The following PCNX1 variants were observed in gnomAD, a reference collection of about 807,000 sequenced individuals.
PCNX1 encodes pecanex 1.
A neutral mutation model predicts 242.2 loss-of-function variants in PCNX1; 78 were observed. The ratio of observed to expected loss-of-function variants is 0.32; its 90% confidence interval spans 0.27 to 0.39. The LOEUF (loss-of-function observed/expected upper bound fraction) is 0.39. Ranked by LOEUF, PCNX1 falls within the 10% of genes least tolerant of loss-of-function variation. PCNX1 has a pLI of 1.00. For synonymous variants in PCNX1, 1,024 were observed against 1,032.9 expected (o/e 0.99, Z 0.17); for missense variants, 2,581 against 2,856.5 (o/e 0.90, Z 2.20).
intron 28 of PCNX1, among the ~76,000 whole-genome samples, chr14:71,084,694 C>A (rs1168127358): frequency 6.6e-6 from 1 of 152,184 alleles, no homozygotes; most frequent in Non-Finnish European, 1.5e-5. Context: ...GATGCCCCTT[C>A]CCCCACCAAG....
chr14:70,936,331 C>T (rs1358839870), intron 1 of PCNX1, among the ~76,000 whole-genome samples: 2 of 149,400 alleles, frequency 1.3e-5, no homozygotes, highest in African/African-American at 4.9e-5. Flanking sequence ...CACCCTGTGT[C>T]CATGTGCTCC....
At chr14:71,096,900 C>A (rs1041499739) in intron 30 of PCNX1, among the ~76,000 whole-genome samples, 16 of 152,110 alleles carry the variant, frequency 1.1e-4, no homozygotes, top group African/African-American at 3.6e-4. Flanking sequence ...TAGCTGGGTT[C>A]TAGAAGAAGC....
chr14:71,039,266 T>G (rs1049643873), intron 19 of PCNX1, among the ~76,000 whole-genome samples: 3 of 152,158 alleles, frequency 2.0e-5, no homozygotes, highest in Non-Finnish European at 4.4e-5. Context: ...AATACTTATT[T>G]TCTCATGATT....
rs1296747562 is a variant in PCNX1 at position 70,992,509 on chromosome 14, T to C, written c.2445-3232T>C. On this transcript the variant is annotated intron_variant, in intron 7 of 35. Transcript: ENST00000304743. ...ATATAAGAATAATGTAATCATACTC[T>C]TAGACTTTACATTTTAGTTGGAGAG... Among the ~76,000 whole-genome samples the C allele has an allele frequency of 2.6e-5, 4 of 152,200 alleles. No homozygotes were observed. The East Asian group carries it at 7.7e-4, about 29-fold the overall frequency.
At chr14:71,049,007 C>G in intron 22 of PCNX1, 2 of 948,652 alleles carry the variant, frequency 2.1e-6, no homozygotes, top group Non-Finnish European at 2.5e-6. Context: ...GGTTATTAAC[C>G]AAAGGAGGAA....
rs151087825 is a variant in PCNX1, at chr14:71,011,031, A to T, written c.2721-461A>T. ...TACCATGTTTAATGTAGTTCAAGAG[A>T]ACAATTCCTTACACTATAAATGTGG... On this transcript the variant is annotated intron_variant, in intron 9 of 35. Transcript: ENST00000304743. Among the ~76,000 whole-genome samples the T allele has an allele frequency of 1.6e-4, 24 of 152,284 alleles. No homozygotes were observed. In the East Asian group the frequency reaches 4.4e-3, roughly 28 times the overall value.
intron 2 of PCNX1, among the ~76,000 whole-genome samples, chr14:70,948,845 ATG>A (rs1485708697): frequency 6.1e-5 from 9 of 147,762 alleles, no homozygotes; most frequent in African/African-American, 5.0e-5. Flanking sequence ...AATAAAATGT[ATG>A]TGTGTATATA....
intron 30 of PCNX1, among the ~76,000 whole-genome samples, chr14:71,092,133 T>C (rs2062150835): frequency 6.6e-6 from 1 of 152,242 alleles, no homozygotes; most frequent in Non-Finnish European, 1.5e-5. Flanking sequence ...TAGATTGAGG[T>C]TTGCAACTGT....
At chr14:71,013,386 A>G (rs1260354575) in intron 11 of PCNX1, among the ~76,000 whole-genome samples, 184 bp downstream of exon 11, 1 of 152,176 alleles carries the variant, frequency 6.6e-6, no homozygotes, top group Non-Finnish European at 1.5e-5. Flanking sequence ...TCCATTAAAA[A>G]TGTTTTGGTT....
intron 8 of PCNX1, among the ~76,000 whole-genome samples, chr14:70,996,687 A>G (rs895387439): frequency 1.3e-5 from 2 of 152,148 alleles, no homozygotes; most frequent in African/African-American, 4.8e-5. Flanking sequence ...TTAAGTAAAT[A>G]TAATGAAGAA....
At chr14:71,073,425 C>A in intron 26 of PCNX1, 120 bp from the exon 27 acceptor site, 1 of 936,672 alleles carries the variant, frequency 1.1e-6, no homozygotes, top group Non-Finnish European at 1.6e-6. Context: ...AAGGCAAATC[C>A]ATCACATACT....
chr14:71,002,008 T>A (rs2140413516), intron 8 of PCNX1, among the ~76,000 whole-genome samples: 1 of 152,320 alleles, frequency 6.6e-6, no homozygotes, highest in East Asian at 1.9e-4. Context: ...CCACCTTTCA[T>A]TGGCCATACA....
chr14:71,102,292 T>G, intron 31 of PCNX1, 72 bp downstream of exon 31: 2 of 1,052,030 alleles, frequency 1.9e-6, no homozygotes, highest in Non-Finnish European at 2.9e-6. Flanking sequence ...TTTTTTTTTT[T>G]GAGACAGAGT....
At chr14:71,036,863 G>A (rs1041988953) in intron 19 of PCNX1, among the ~76,000 whole-genome samples, 2 of 152,072 alleles carry the variant, frequency 1.3e-5, no homozygotes. Context: ...CATTGAATCT[G>A]TAAATTACCT....
At chr14:71,055,137 T>C (rs968108231) in intron 24 of PCNX1, among the ~76,000 whole-genome samples, 1 of 152,238 alleles carries the variant, frequency 6.6e-6, no homozygotes. Flanking sequence ...TGAGCATTAA[T>C]ACATACACCT....
At position 70,977,637 on chromosome 14, in the gene PCNX1, T is replaced by G; in HGVS notation, c.1300T>G (p.Cys434Gly). Residue 434 changes from cysteine to glycine, a missense_variant, in exon 6 of 36, where the codon TGT becomes GGT. Cys to Gly is a radical substitution (Grantham distance 159). Transcript: ENST00000304743. ...GTKSGRKKEC[C>G]AGPEEKNSCA... Reference sequence around the variant, plus strand: ...AAAAAGTGGGAGGAAGAAAGAGTGCTGTGCAGGCCCAGAGGAGAAGAATAG... The same window carrying G: ...AAAAAGTGGGAGGAAGAAAGAGTGCGGTGCAGGCCCAGAGGAGAAGAATAG... 1 of 1,614,094 alleles carries G rather than the reference T, an allele frequency of 6.2e-7. No homozygotes were observed. The highest frequency in any genetic ancestry group is 2.2e-5 in the East Asian group (1 of 44,868).
intron 19 of PCNX1, among the ~76,000 whole-genome samples, chr14:71,038,642 A>C (rs939369658): frequency 2.7e-5 from 4 of 150,636 alleles, no homozygotes; most frequent in Admixed American, 1.3e-4. Flanking sequence ...AACTAGTTCA[A>C]CCATTGTGGA....
chr14:70,977,512 A>G lies in PCNX1; in HGVS notation c.1175A>G (p.Asp392Gly). ...TESYCSGTDR[D>G]TNSTVSSYKS... ...AGCTACTGCAGTGGAACGGACCGGGACACTAACAGTACTGTCAGCAGCTAT... is the reference window on the plus strand; with the variant it reads ...AGCTACTGCAGTGGAACGGACCGGGGCACTAACAGTACTGTCAGCAGCTAT... Residue 392 changes from aspartate to glycine, a missense_variant, in exon 6 of 36, where the codon GAC becomes GGC. Around this residue, in one of 9 missense-constraint regions of PCNX1, gnomAD observed 1,204 missense variants for 1,216.7 expected, o/e 0.99. Transcript: ENST00000304743. 6.2e-7 allele frequency: 1 copy of G among 1,614,178 alleles called. No homozygotes were observed. Among genetic ancestry groups the G allele is most frequent in the Non-Finnish European group, 8.5e-7 (1 of 1,180,022 alleles).
intron 7 of PCNX1, among the ~76,000 whole-genome samples, chr14:70,994,795 TATC>T (rs944299226): frequency 1.6e-4 from 24 of 152,126 alleles, no homozygotes; most frequent in African/African-American, 4.1e-4. Flanking sequence ...AAATTCATAG[TATC>T]ATAAAAATAT....
Sources: gnomAD v4.1 joint callset for allele counts (sites outside exome capture counted in the v4.1 genomes callset) on GRCh38, gnomAD v4.1.1 for gene constraint, gnomAD v4.1.1 regional missense constraint, MANE v1.5 for transcripts, NCBI Gene and HGNC (gene_info 2026-07-23, HGNC 2026-07-21) for gene names.